The following ULBP3 variants were observed in gnomAD, a reference collection of about 807,000 sequenced individuals.
ULBP3 encodes the protein UL16 binding protein 3, also known as UL16-binding protein 3.
ULBP3 carries 25 observed loss-of-function variants against 24.9 expected under a neutral mutation model. The observed-to-expected ratio is 1.00, with a 90% CI of 0.73 to 1.40. ULBP3 has a LOEUF of 1.40. ULBP3 is among the 40% of genes most tolerant of loss of function. The pLI is 0.00. For synonymous variants in ULBP3, 114 were observed against 114.7 expected (o/e 0.99, Z 0.04); for missense variants, 306 against 307.5 (o/e 1.00, Z 0.04).
intron 1 of ULBP3, among the ~76,000 whole-genome samples, chr6:150,067,348 T>C (rs550335493): frequency 6.6e-6 from 1 of 152,140 alleles, no homozygotes; most frequent in Non-Finnish European, 1.5e-5. Flanking sequence ...GCCAGATGGG[T>C]AGTCACTCTG....
At chr6:150,066,640 A>C (rs1257663249) in intron 1 of ULBP3, among the ~76,000 whole-genome samples, 2 of 152,182 alleles carry the variant, frequency 1.3e-5, no homozygotes, top group Non-Finnish European at 2.9e-5. Context: ...GGAATGACCC[A>C]CACCGCATGA....
rs1248945691 is a variant in ULBP3 at position 150,069,021 on chromosome 6, G to C, written c.46C>G (p.Leu16Val). ...GACCAGTCGAATAGCAGGTACGGAA[G>C]AATCGCGAGGCGCGGAAGGATCGCG... ...SPAILPRLAILPYLLFDWSGT... is the reference protein window; with the variant it reads ...SPAILPRLAIVPYLLFDWSGT... Residue 16 changes from leucine (L) to valine (V), a missense_variant, in exon 1 of 5, where the codon CTT (leucine) becomes GTT (valine). Transcript: ENST00000367339. 15 of 1,612,546 alleles carry C rather than the reference G, an allele frequency of 9.3e-6. No individual in the cohort carries two copies. The highest frequency in any genetic ancestry group is 1.3e-5 in the Non-Finnish European group (15 of 1,179,460).
chr6:150,065,375 C>A (rs975176039), intron 3 of ULBP3, 23 bp downstream of exon 3: 1 of 1,611,940 alleles, frequency 6.2e-7, no homozygotes, highest in Non-Finnish European at 8.5e-7. Flanking sequence ...CCAACATGCT[C>A]CCAGTGCTCC....
At chr6:150,068,823 T>G (rs777973512) in intron 1 of ULBP3, among the ~76,000 whole-genome samples, 156 bp downstream of exon 1, 5 of 152,216 alleles carry the variant, frequency 3.3e-5, no homozygotes, top group Non-Finnish European at 5.9e-5. Context: ...GAAGCGGACC[T>G]GGCGAAAAAG....
Position 150,062,591 on chromosome 6 carries a change from G to T in ULBP3, c.*783C>A, listed in dbSNP as rs544104853. On this transcript the variant is annotated 3_prime_UTR_variant, in exon 5 of 5. Transcript: ENST00000367339. ...GATAAAAAGGATTAATACAATTCTT[G>T]GTCAGTGCATGGAAAGGATCCCTGA... Among the ~76,000 whole-genome samples the T allele has an allele frequency of 1.8e-4, 27 of 152,242 alleles. No individual in the cohort carries two copies. The highest frequency in any genetic ancestry group is 6.5e-4 in the African/African-American group (27 of 41,542).
rs1235800836 is a variant in ULBP3 at position 150,061,385 on chromosome 6, C to T, written c.*1989G>A. On this transcript the variant is annotated 3_prime_UTR_variant, in exon 5 of 5. Coordinates refer to ENST00000367339, the MANE Select transcript of ULBP3 (RefSeq NM_024518.3). ...CATCACTCAAACAGTAAGCATGGTA[C>T]CCAACAGGTGGTTTTTCAGCCCAGG... 2.0e-5 allele frequency among the ~76,000 whole-genome samples: 3 copies of T among 152,194 alleles called. No homozygotes were observed. Among genetic ancestry groups the T allele is most frequent in the Non-Finnish European group, 4.4e-5 (3 of 68,040 alleles).
chr6:150,065,839 C>A (rs918945582), intron 2 of ULBP3, 60 bp downstream of exon 2: 1 of 1,599,494 alleles, frequency 6.3e-7, no homozygotes, highest in Admixed American at 1.7e-5. Flanking sequence ...TCTCCCCACA[C>A]ACAGAACAGC....
chr6:150,065,513 C>G lies in ULBP3; in HGVS notation c.513G>C (p.Glu171Asp). ...VVHAGARRMK[E>D]KWEKDSGLTT... ...TCAGTCCGCTATCCTTCTCCCACTTCTCTTTCATCCGCCTGGCTCCAGCGT... is the reference window on the plus strand; with the variant it reads ...TCAGTCCGCTATCCTTCTCCCACTTGTCTTTCATCCGCCTGGCTCCAGCGT... Residue 171 changes from glutamate to aspartate, a missense_variant, in exon 3 of 5, where the codon GAG becomes GAC. By Grantham distance (45) the Glu-to-Asp change is conservative (BLOSUM62 2). Coordinates refer to ENST00000367339, the MANE Select transcript of ULBP3 (RefSeq NM_024518.3). 1 of 1,614,206 alleles carries G rather than the reference C, an allele frequency of 6.2e-7. No individual in the cohort carries two copies. Among genetic ancestry groups the G allele is most frequent in the Non-Finnish European group, 8.5e-7 (1 of 1,180,022 alleles).
At position 150,062,785 on chromosome 6, in the gene ULBP3, G is replaced by A. The variant is rs867465724; in HGVS notation, c.*589C>T. Among the ~76,000 whole-genome samples, 5 of 149,378 alleles carry A rather than the reference G, an allele frequency of 3.3e-5. No homozygotes were observed. Among genetic ancestry groups the A allele is most frequent in the East Asian group, 3.9e-4 (2 of 5,090 alleles). ...TGCAGGAATTCCATCCATTAGCACCGAGAGAAAGTGGCAGAAGGTGTTAAG... is the reference window on the plus strand; with the variant it reads ...TGCAGGAATTCCATCCATTAGCACCAAGAGAAAGTGGCAGAAGGTGTTAAG... On this transcript the variant is annotated 3_prime_UTR_variant, in exon 5 of 5. Transcript: ENST00000367339.
At position 150,069,029 on chromosome 6, in the gene ULBP3, AGGCGCGGAAGGATCGCGG is replaced by A. The variant is rs1466304181; in HGVS notation, c.20_37del (p.Pro7_Arg12del). 2 of 1,612,082 alleles carry A rather than the reference AGGCGCGGAAGGATCGCGG, an allele frequency of 1.2e-6. No homozygotes were observed. Among genetic ancestry groups the A allele is most frequent in the East Asian group, 2.2e-5 (1 of 44,786 alleles). On this transcript the variant is annotated inframe_deletion, in exon 1 of 5. Transcript: ENST00000367339. ...GAATAGCAGGTACGGAAGAATCGCG[AGGCGCGGAAGGATCGCGG>A]GGCTGGCGGCCGCTGCCATTGTAGA...
rs926607248 is a variant in ULBP3, at chr6:150,065,699, C to T, written c.353-26G>A. 4 of 1,611,318 alleles carry T rather than the reference C, an allele frequency of 2.5e-6. No individual in the cohort carries two copies. The African/African-American group carries it at 4.0e-5, about 16-fold the overall frequency. On this transcript the variant is annotated intron_variant, in intron 2 of 4. Transcript: ENST00000367339. ...CTGCCCCAATCAGAAAGAGATCAGCCCTGGTGTTTACAAATTCTCTTCCCT... is the reference window on the plus strand; with the variant it reads ...CTGCCCCAATCAGAAAGAGATCAGCTCTGGTGTTTACAAATTCTCTTCCCT...
At chr6:150,068,502 CAG>C (rs1776380498) in intron 1 of ULBP3, among the ~76,000 whole-genome samples, 1 of 152,222 alleles carries the variant, frequency 6.6e-6, no homozygotes, top group South Asian at 2.1e-4. Flanking sequence ...GGACTTGACA[CAG>C]AGACAGAGAA....
At chr6:150,063,771 C>T (rs117604315) in intron 4 of ULBP3, among the ~76,000 whole-genome samples, 2,613 of 152,322 alleles carry the variant, frequency 0.017, 36 homozygotes, top group Middle Eastern at 0.027. Flanking sequence ...GGGAGCTGCA[C>T]CCATAGCTCT....
At chr6:150,068,310 A>G in intron 1 of ULBP3, among the ~76,000 whole-genome samples, 1 of 152,182 alleles carries the variant, frequency 6.6e-6, no homozygotes, top group East Asian at 1.9e-4. Context: ...CAGGCAGGGT[A>G]GGACACACTT....
intron 3 of ULBP3, 144 bp downstream of exon 3, chr6:150,065,254 C>G (rs751706841): frequency 7.8e-5 from 95 of 1,222,602 alleles, no homozygotes; most frequent in Non-Finnish European, 1.1e-4. Flanking sequence ...TACACTCACT[C>G]AAACACACAC....
At chr6:150,067,208 C>G (rs1327033822) in intron 1 of ULBP3, among the ~76,000 whole-genome samples, 1 of 152,156 alleles carries the variant, frequency 6.6e-6, no homozygotes, top group African/African-American at 2.4e-5. Flanking sequence ...ACTGAGCTCC[C>G]TCGCCCAGCT....
At chr6:150,066,711 G>C (rs1054707042) in intron 1 of ULBP3, among the ~76,000 whole-genome samples, 1 of 152,140 alleles carries the variant, frequency 6.6e-6, no homozygotes, top group Admixed American at 6.5e-5. Context: ...ACTAAGAGAA[G>C]TGCCCATGCC....
At chr6:150,064,514 A>G in intron 4 of ULBP3, 71 bp downstream of exon 4, 3 of 1,407,580 alleles carry the variant, frequency 2.1e-6, no homozygotes, top group Non-Finnish European at 3.0e-6. Context: ...GGGACTCTGG[A>G]AATTCTCCTT....
chr6:150,066,810 A>G (rs370889682), intron 1 of ULBP3, among the ~76,000 whole-genome samples: 6 of 152,156 alleles, frequency 3.9e-5, no homozygotes, highest in African/African-American at 9.7e-5. Context: ...TAGCATATAA[A>G]GAAGGCCCCA....
Sources: allele counts gnomAD v4.1 joint callset (sites outside exome capture counted in the v4.1 genomes callset), GRCh38; gene constraint gnomAD v4.1.1; transcripts MANE v1.5; gene names NCBI Gene and HGNC (gene_info 2026-07-23, HGNC 2026-07-21).